Variants in ARHGEF12 observed in about 807,000 individuals in gnomAD.
ARHGEF12 encodes Rho guanine nucleotide exchange factor 12.
Under a neutral mutation model 211.2 loss-of-function variants are expected in ARHGEF12, and 66 were observed. The ratio of observed to expected loss-of-function variants is 0.31; its 90% confidence interval spans 0.26 to 0.38. ARHGEF12 has a LOEUF of 0.38. Ranked by LOEUF, ARHGEF12 falls within the 10% of genes least tolerant of loss-of-function variation. ARHGEF12 has a pLI of 1.00. For missense variants in ARHGEF12, 1,429 were observed against 1,869.5 expected, an observed-to-expected ratio of 0.76 and a Z score of 4.34; for synonymous variants, 592 against 638.4, an observed-to-expected ratio of 0.93 and a Z score of 1.09.
At chr11:120,402,178 C>T (rs1480478705) in intron 1 of ARHGEF12, among the ~76,000 whole-genome samples, 1 of 152,086 alleles carries the variant, frequency 6.6e-6, no homozygotes, top group Non-Finnish European at 1.5e-5. Context: ...AGTCTTTTGC[C>T]CCCAAGGCCT....
intron 1 of ARHGEF12, among the ~76,000 whole-genome samples, chr11:120,347,966 T>G (rs1459172810): frequency 6.6e-6 from 1 of 152,214 alleles, no homozygotes; most frequent in Non-Finnish European, 1.5e-5. Context: ...GGAAATATTT[T>G]AGTATAGTAC....
intron 1 of ARHGEF12, among the ~76,000 whole-genome samples, chr11:120,357,173 A>G (rs1468611759): frequency 6.6e-6 from 1 of 151,906 alleles, no homozygotes; most frequent in African/African-American, 2.4e-5. Context: ...TTGTATTTTT[A>G]GTAGAGACGG....
chr11:120,462,513 A>G (rs992058044), intron 27 of ARHGEF12: 10 of 152,222 alleles, frequency 6.6e-5, no homozygotes, highest in Admixed American at 6.5e-4. Flanking sequence ...AACGGCACCA[A>G]CAGACTTGCT....
At chr11:120,376,982 A>G (rs1565438629) in intron 1 of ARHGEF12, among the ~76,000 whole-genome samples, 1 of 152,190 alleles carries the variant, frequency 6.6e-6, no homozygotes, top group South Asian at 2.1e-4. Flanking sequence ...TCATTGTTTT[A>G]TATAGCTGAA....
rs1268389938 is a variant in ARHGEF12 at position 120,336,636 on chromosome 11, C to G, written c.-608C>G. ...CCTGTCACCTCGGGCCGCGGGACCTCTCCGCCGGCGCCAGCGGCTCGTCCC... is the reference window on the plus strand; with the variant it reads ...CCTGTCACCTCGGGCCGCGGGACCTGTCCGCCGGCGCCAGCGGCTCGTCCC... On this transcript the variant is annotated 5_prime_UTR_variant, in exon 1 of 41. Transcript: ENST00000397843. Among the ~76,000 whole-genome samples the G allele has an allele frequency of 6.6e-6, 1 of 152,130 alleles. No homozygotes were observed. Among genetic ancestry groups the G allele is most frequent in the Non-Finnish European group, 1.5e-5 (1 of 68,000 alleles).
chr11:120,345,696 C>T (rs1489737311), intron 1 of ARHGEF12, among the ~76,000 whole-genome samples: 5 of 91,810 alleles, frequency 5.4e-5, no homozygotes, highest in African/African-American at 8.3e-5. Context: ...AGCGAGACTC[C>T]GTCTCAAAAA....
chr11:120,362,793 A>G (rs1591502009), intron 1 of ARHGEF12, among the ~76,000 whole-genome samples: 1 of 152,314 alleles, frequency 6.6e-6, no homozygotes, highest in South Asian at 2.1e-4. Context: ...GGACACTCCA[A>G]TCAACAGACC....
intron 22 of ARHGEF12, 82 bp downstream of exon 22, chr11:120,451,806 T>TA: frequency 8.0e-7 from 1 of 1,243,268 alleles, no homozygotes; most frequent in Non-Finnish European, 1.1e-6. Context: ...AGTGGCAAGT[T>TA]AATCAAGACT....
At chr11:120,348,925 G>A (rs985699569) in intron 1 of ARHGEF12, among the ~76,000 whole-genome samples, 7 of 152,136 alleles carry the variant, frequency 4.6e-5, no homozygotes, top group African/African-American at 1.7e-4. Context: ...GTTTAGACTT[G>A]GGTCCCATTC....
intron 1 of ARHGEF12, among the ~76,000 whole-genome samples, chr11:120,374,490 A>G (rs1177743410): frequency 6.6e-6 from 1 of 152,202 alleles, no homozygotes; most frequent in Non-Finnish European, 1.5e-5. Flanking sequence ...AAACAGCTTC[A>G]TTGAGCTACT....
intron 1 of ARHGEF12, among the ~76,000 whole-genome samples, chr11:120,387,345 C>T (rs889680610): frequency 1.3e-5 from 2 of 151,856 alleles, no homozygotes; most frequent in Non-Finnish European, 2.9e-5. Flanking sequence ...TTCCTTCTTC[C>T]CTTCCCCCAA....
intron 1 of ARHGEF12, among the ~76,000 whole-genome samples, chr11:120,390,534 G>A (rs1006066823): frequency 6.6e-6 from 1 of 152,128 alleles, no homozygotes; most frequent in South Asian, 2.1e-4. Context: ...TATCCACTGA[G>A]CTCTGGGATT....
chr11:120,466,180 T>A (rs551274646), intron 28 of ARHGEF12, among the ~76,000 whole-genome samples: 80 of 152,252 alleles, frequency 5.3e-4, no homozygotes, highest in Non-Finnish European at 1.0e-3. Context: ...CAGGCTGAGA[T>A]CACAGCGTCA....
chr11:120,441,235 A>G (rs1661056877), intron 13 of ARHGEF12, among the ~76,000 whole-genome samples: 1 of 152,020 alleles, frequency 6.6e-6, no homozygotes. Flanking sequence ...GCTAGTTTAC[A>G]TTATTATTGT....
intron 1 of ARHGEF12, among the ~76,000 whole-genome samples, chr11:120,386,195 A>T (rs974348526): frequency 6.6e-6 from 1 of 152,164 alleles, no homozygotes; most frequent in Non-Finnish European, 1.5e-5. Context: ...CTGGAATTGC[A>T]TTCTGCTTTC....
chr11:120,474,679 G>T, intron 32 of ARHGEF12, 44 bp downstream of exon 32: 1 of 1,505,514 alleles, frequency 6.6e-7, no homozygotes, highest in South Asian at 1.2e-5. Flanking sequence ...AGTGGCAAAA[G>T]GGAAGGAATA....
intron 30 of ARHGEF12, among the ~76,000 whole-genome samples, chr11:120,470,607 A>G (rs140518995): frequency 6.4e-4 from 97 of 152,328 alleles, no homozygotes; most frequent in African/African-American, 2.3e-3. Flanking sequence ...ATCCGTGAAC[A>G]CGGATGTAGT....
At chr11:120,404,548 C>A (rs907984684) in intron 1 of ARHGEF12, among the ~76,000 whole-genome samples, 3 of 152,058 alleles carry the variant, frequency 2.0e-5, no homozygotes, top group African/African-American at 7.2e-5. Flanking sequence ...TTTTCTCATT[C>A]CGTTTTTGTC....
At chr11:120,350,977 A>G (rs777025690) in intron 1 of ARHGEF12, among the ~76,000 whole-genome samples, 7 of 152,198 alleles carry the variant, frequency 4.6e-5, no homozygotes, top group Admixed American at 6.5e-5. Flanking sequence ...TGTTTAAATC[A>G]TGATTACTTG....
Sources: allele counts gnomAD v4.1 joint callset (sites outside exome capture counted in the v4.1 genomes callset), GRCh38; gene constraint gnomAD v4.1.1; transcripts MANE v1.5; gene names NCBI Gene and HGNC (gene_info 2026-07-23, HGNC 2026-07-21).